The following MAP3K1 variants were observed in gnomAD, a reference collection of about 807,000 sequenced individuals.
MAP3K1 encodes the protein MAP/ERK kinase kinase 1.
MAP3K1 carries 36 observed loss-of-function variants against 144.2 expected under a neutral mutation model. The observed-to-expected ratio is 0.25, with a 90% CI of 0.19 to 0.33. The LOEUF (loss-of-function observed/expected upper bound fraction) is 0.33. Ranked by LOEUF, MAP3K1 falls within the 10% of genes least tolerant of loss-of-function variation. The probability of loss-of-function intolerance (pLI) is 1.00; values close to 1 mark genes in which losing one functional copy is unlikely to be tolerated. For synonymous variants in MAP3K1, 718 were observed against 688.7 expected (o/e 1.04, Z -0.67); for missense variants, 1,650 against 1,881.9 (o/e 0.88, Z 2.28).
intron 19 of MAP3K1, 101 bp from the exon 20 acceptor site, chr5:56,893,430 G>C (rs1236891069): frequency 4.8e-6 from 6 of 1,259,622 alleles, no homozygotes; most frequent in African/African-American, 4.4e-5. Flanking sequence ...GTTCCTCTCT[G>C]TTCAGGATGT....
At position 56,834,436 on chromosome 5, in the gene MAP3K1, G is replaced by A. The variant is rs141605082; in HGVS notation, c.482+18381G>A. Reference sequence around the variant, plus strand: ...GGATGTGACAGGATTCTATGTGTATGCCTGGATATGAGGACAGCTTGTTGA... The same window carrying A: ...GGATGTGACAGGATTCTATGTGTATACCTGGATATGAGGACAGCTTGTTGA... On this transcript the variant is annotated intron_variant, in intron 1 of 19. Transcript: ENST00000399503. 4.5e-4 allele frequency among the ~76,000 whole-genome samples: 68 copies of A among 152,314 alleles called. No individual in the cohort carries two copies. In the East Asian group the frequency reaches 0.012, roughly 27 times the overall value.
rs955975490 is a variant in MAP3K1 at position 56,895,771 on chromosome 5, C to G, written c.*2091C>G. The G allele has an allele frequency of 1.7e-5, 4 of 231,480 alleles. No homozygotes were observed. The highest frequency in any genetic ancestry group is 8.9e-5 in the African/African-American group (4 of 45,180). 14.3% of individuals were successfully genotyped at this position (231,480 alleles called of 1,614,324 possible). A position where few individuals can be genotyped will look rare whatever the true frequency, so the allele number is the denominator to read the frequency against. On this transcript the variant is annotated 3_prime_UTR_variant, in exon 20 of 20. Coordinates refer to ENST00000399503, the MANE Select transcript of MAP3K1 (RefSeq NM_005921.2). ...TGTATCGTGTAATTATTTTTGTGTT[C>G]TTAATGTTATTTGGTACTCAAGTTG...
At chr5:56,842,796 C>T (rs1020051080) in intron 1 of MAP3K1, among the ~76,000 whole-genome samples, 3 of 152,028 alleles carry the variant, frequency 2.0e-5, no homozygotes, top group African/African-American at 7.2e-5. Context: ...TAATCCTGGT[C>T]GCTACTTTAT....
At chr5:56,826,236 C>G (rs900649633) in intron 1 of MAP3K1, among the ~76,000 whole-genome samples, 1 of 152,106 alleles carries the variant, frequency 6.6e-6, no homozygotes, top group Non-Finnish European at 1.5e-5. Context: ...TGGTATTCCA[C>G]TAAAAAATAA....
intron 1 of MAP3K1, among the ~76,000 whole-genome samples, chr5:56,831,707 A>G (rs1746499687): frequency 6.6e-6 from 1 of 152,236 alleles, no homozygotes; most frequent in African/African-American, 2.4e-5. Context: ...CAAAAATTAA[A>G]TGAATTCCAT....
In MAP3K1 at chr5:56,815,794, C is replaced by T. The variant is rs1745929417; in HGVS notation, c.221C>T (p.Pro74Leu). 2 of 1,422,964 alleles carry T rather than the reference C, an allele frequency of 1.4e-6. No homozygotes were observed. The highest frequency in any genetic ancestry group is 1.8e-6 in the Non-Finnish European group (2 of 1,085,524). 88.1% of individuals were successfully genotyped at this position (1,422,964 alleles called of 1,614,324 possible). A position where few individuals can be genotyped will look rare whatever the true frequency, so the allele number is the denominator to read the frequency against. ...KVRSVELDQL[P>L]EQPLFLAASP... Reference sequence around the variant, plus strand: ...CGGAGTGTGGAGCTGGACCAGCTGCCTGAGCAGCCGCTCTTCCTTGCCGCC... The same window carrying T: ...CGGAGTGTGGAGCTGGACCAGCTGCTTGAGCAGCCGCTCTTCCTTGCCGCC... The change falls in exon 1 of 20, where the codon CCT becomes CTT. Residue 74 changes from proline to leucine, a missense_variant. Pro to Leu is a moderately conservative substitution (Grantham distance 98, BLOSUM62 -3). Coordinates refer to ENST00000399503, the MANE Select transcript of MAP3K1 (RefSeq NM_005921.2).
chr5:56,860,871 A>G (rs188855816), intron 3 of MAP3K1, among the ~76,000 whole-genome samples: 2,177 of 152,160 alleles, frequency 0.014, 19 homozygotes, highest in Non-Finnish European at 0.024. Flanking sequence ...AAAGAAAAAA[A>G]GAAAAGCAAC....
intron 19 of MAP3K1, among the ~76,000 whole-genome samples, chr5:56,892,975 T>TA (rs1748592282): frequency 3.5e-5 from 1 of 28,176 alleles, no homozygotes; most frequent in Admixed American, 2.2e-4. Flanking sequence ...TTCTTTTTTT[T>TA]TAAAAAAAAA....
At chr5:56,856,502 G>T (rs554234547) in intron 1 of MAP3K1, 98 bp from the exon 2 acceptor site, 31 of 1,041,836 alleles carry the variant, frequency 3.0e-5, no homozygotes, top group Non-Finnish European at 3.8e-5. Flanking sequence ...TTACATGTCC[G>T]TTGGAAGTAT....
intron 6 of MAP3K1, among the ~76,000 whole-genome samples, chr5:56,866,437 G>A (rs778112373): frequency 6.7e-6 from 1 of 148,848 alleles, no homozygotes; most frequent in Non-Finnish European, 1.5e-5. Context: ...ATGTATGTCT[G>A]TATGTATGTA....
Position 56,882,880 on chromosome 5 carries a change from C to CT in MAP3K1, c.3666+17dup. 1 of 1,597,020 alleles carries CT rather than the reference C, an allele frequency of 6.3e-7. No homozygotes were observed. On this transcript the variant is annotated intron_variant, in intron 14 of 19. Coordinates refer to ENST00000399503, the MANE Select transcript of MAP3K1 (RefSeq NM_005921.2). The stretch of plus-strand genomic sequence containing the variant: ...ATTCAACAGGATGTAAGTATAGATT[C>CT]TTTAAGAGGTTAGAAAACTTCCTTG...
In MAP3K1 at chr5:56,815,791, T is replaced by C; in HGVS notation, c.218T>C (p.Leu73Pro). ...GTGCGGAGTGTGGAGCTGGACCAGC[T>C]GCCTGAGCAGCCGCTCTTCCTTGCC... The part of the protein sequence containing the change: ...RKVRSVELDQ[L>P]PEQPLFLAAS... Residue 73 changes from leucine (L) to proline (P), a missense_variant, in exon 1 of 20, where the codon CTG becomes CCG. Coordinates refer to ENST00000399503, the MANE Select transcript of MAP3K1 (RefSeq NM_005921.2). 4 of 1,420,888 alleles carry C rather than the reference T, an allele frequency of 2.8e-6. No individual in the cohort carries two copies. The highest frequency in any genetic ancestry group is 1.4e-5 in the South Asian group (1 of 71,534). 88.0% of individuals were successfully genotyped at this position (1,420,888 alleles called of 1,614,324 possible). A position where few individuals can be genotyped will look rare whatever the true frequency, so the allele number is the denominator to read the frequency against.
chr5:56,816,432 C>T (rs964568710), intron 1 of MAP3K1, among the ~76,000 whole-genome samples: 42 of 151,674 alleles, frequency 2.8e-4, no homozygotes, highest in Admixed American at 2.6e-4. Context: ...CGCCCCCGGA[C>T]GGGTGTCCCC....
intron 1 of MAP3K1, among the ~76,000 whole-genome samples, chr5:56,834,957 A>G (rs1746603266): frequency 6.6e-6 from 1 of 152,202 alleles, no homozygotes; most frequent in Admixed American, 6.5e-5. Context: ...TAAGTATCTT[A>G]TTTTATACAA....
At chr5:56,852,663 AT>A (rs955931156) in intron 1 of MAP3K1, among the ~76,000 whole-genome samples, 1 of 152,046 alleles carries the variant, frequency 6.6e-6, no homozygotes, top group Non-Finnish European at 1.5e-5. Context: ...GAAATCTGTT[AT>A]TTTTTTAAGG....
At chr5:56,840,208 C>G (rs1332130794) in intron 1 of MAP3K1, among the ~76,000 whole-genome samples, 1 of 152,126 alleles carries the variant, frequency 6.6e-6, no homozygotes, top group Non-Finnish European at 1.5e-5. Context: ...AGTACAGTGC[C>G]CTGATCTCGG....
At chr5:56,885,848 C>G (rs1426432497) in intron 16 of MAP3K1, 84 bp from the exon 17 acceptor site, 5 of 1,086,554 alleles carry the variant, frequency 4.6e-6, no homozygotes, top group Non-Finnish European at 7.0e-6. Context: ...TGAGTTCATG[C>G]AGTGAAAACT....
At chr5:56,836,573 A>G (rs1396923494) in intron 1 of MAP3K1, among the ~76,000 whole-genome samples, 3 of 152,104 alleles carry the variant, frequency 2.0e-5, no homozygotes, top group Non-Finnish European at 2.9e-5. Flanking sequence ...TGTGCGGTTT[A>G]TCTTGTCTCT....
At position 56,882,110 on chromosome 5, in the gene MAP3K1, T is replaced by C. The variant is rs756618075; in HGVS notation, c.2910T>C (p.Ser970=). Residue 970 remains serine (S), a synonymous_variant, in exon 14 of 20, where the codon TCT becomes TCC. Coordinates refer to ENST00000399503, the MANE Select transcript of MAP3K1 (RefSeq NM_005921.2). The part of the protein sequence containing the change: ...GRPHSQCLNS[S]PLSHHSQLMF... ...CCCACAGTCAGTGTTTGAACTCCTC[T>C]CCTTTATCTCATCATTCCCAATTAA... 1 of 1,614,122 alleles carries C rather than the reference T, an allele frequency of 6.2e-7. No homozygotes were observed. Among genetic ancestry groups the C allele is most frequent in the East Asian group, 2.2e-5 (1 of 44,884 alleles).
Sources: allele counts gnomAD v4.1 joint callset (sites outside exome capture counted in the v4.1 genomes callset), GRCh38; gene constraint gnomAD v4.1.1; transcripts MANE v1.5; gene names NCBI Gene and HGNC (gene_info 2026-07-23, HGNC 2026-07-21).